NOX4: variants seen among roughly 807,000 people sequenced by gnomAD.
NOX4 encodes the protein kidney oxidase-1.
In NOX4, 69 loss-of-function variants were observed where a neutral mutation model predicts 87.6. The ratio of observed to expected loss-of-function variants is 0.79; its 90% confidence interval spans 0.65 to 0.96. NOX4 has a LOEUF of 0.96. NOX4 is among the 40% of genes least tolerant of loss of function. The probability of loss-of-function intolerance (pLI) is 0.00; values close to 1 mark genes in which losing one functional copy is unlikely to be tolerated. For synonymous variants in NOX4, 275 were observed against 238.2 expected (o/e 1.15, Z -1.42); for missense variants, 680 against 681.5 (o/e 1.00, Z 0.02).
chr11:89,357,167 C>T (rs1414109438), intron 12 of NOX4, among the ~76,000 whole-genome samples: 35 of 152,052 alleles, frequency 2.3e-4, no homozygotes, highest in Admixed American at 2.3e-3. Context: ...ATTTTATCTT[C>T]ATATTTATTA....
chr11:89,489,069 A>C lies in NOX4; in HGVS notation c.153+1389T>G, dbSNP rs1480494899. 6.9e-5 allele frequency: 48 copies of C among 694,296 alleles called. 1 individual carries two copies. In the South Asian group the frequency reaches 7.0e-4, roughly 10 times the overall value. 43.0% of individuals were successfully genotyped at this position (694,296 alleles called of 1,614,324 possible). A position where few individuals can be genotyped will look rare whatever the true frequency, so the allele number is the denominator to read the frequency against. On this transcript the variant is annotated intron_variant, in intron 2 of 17. Coordinates refer to ENST00000263317, the MANE Select transcript of NOX4 (RefSeq NM_016931.5). ...CTATTTTTTTCAACCCATTGGCTTA[A>C]AACCTAGAAGTTAAACTTTATAAAG...
At chr11:89,444,724 T>G (rs887488891) in intron 4 of NOX4, among the ~76,000 whole-genome samples, 1 of 152,150 alleles carries the variant, frequency 6.6e-6, no homozygotes, top group Non-Finnish European at 1.5e-5. Flanking sequence ...TTTCAACTAG[T>G]AGAAATTTTT....
chr11:89,478,805 C>G (rs1946271531), intron 2 of NOX4, among the ~76,000 whole-genome samples: 1 of 152,098 alleles, frequency 6.6e-6, no homozygotes, highest in Non-Finnish European at 1.5e-5. Context: ...TTCTTTCACT[C>G]TTATGTTTTT....
chr11:89,461,869 AG>A (rs1945484708), intron 2 of NOX4, among the ~76,000 whole-genome samples: 1 of 152,048 alleles, frequency 6.6e-6, no homozygotes, highest in Non-Finnish European at 1.5e-5. Flanking sequence ...ATCTGCCAAG[AG>A]AGAACATAAT....
At chr11:89,477,090 T>C (rs1486014099) in intron 2 of NOX4, among the ~76,000 whole-genome samples, 1 of 152,178 alleles carries the variant, frequency 6.6e-6, no homozygotes, top group Non-Finnish European at 1.5e-5. Flanking sequence ...ATGATTCAAC[T>C]GCATTACATT....
At chr11:89,419,789 C>T (rs1942991635) in intron 8 of NOX4, among the ~76,000 whole-genome samples, 1 of 151,840 alleles carries the variant, frequency 6.6e-6, no homozygotes, top group Admixed American at 6.6e-5. Flanking sequence ...TCAATGTAAT[C>T]CTCCTCTTTA....
chr11:89,445,356 C>CAA (rs1006037401), intron 4 of NOX4, among the ~76,000 whole-genome samples: 17 of 151,700 alleles, frequency 1.1e-4, no homozygotes, highest in African/African-American at 3.6e-4. Flanking sequence ...CACACACACA[C>CAA]AAAAATAATG....
chr11:89,395,709 G>A (rs112442601), intron 11 of NOX4, among the ~76,000 whole-genome samples: 3,577 of 152,228 alleles, frequency 0.023, 132 homozygotes, highest in African/African-American at 0.082. Context: ...TCCAGTTTCA[G>A]CTTTCTACAT....
At position 89,449,695 on chromosome 11, in the gene NOX4, T is replaced by TA. The variant is rs545636102; in HGVS notation, c.265-172dup. ...CTAGTTAATGGGACACCTAAACCAT[T>TA]AAAAAATATATGTGAGAAGTCCATA... On this transcript the variant is annotated intron_variant, in intron 3 of 17. Coordinates refer to ENST00000263317, the MANE Select transcript of NOX4 (RefSeq NM_016931.5). Among the ~76,000 whole-genome samples, 34 of 152,094 alleles carry TA rather than the reference T, an allele frequency of 2.2e-4. No homozygotes were observed. The South Asian group carries it at 6.6e-3, about 30-fold the overall frequency.
At chr11:89,436,763 C>T (rs538452949) in intron 6 of NOX4, among the ~76,000 whole-genome samples, 1 of 151,988 alleles carries the variant, frequency 6.6e-6, no homozygotes, top group East Asian at 1.9e-4. Flanking sequence ...CCATTTTATT[C>T]TCACCATAAA....
At position 89,455,744 on chromosome 11, in the gene NOX4, A is replaced by ATG. The variant is rs1555039145; in HGVS notation, c.154-3851_154-3850dup. On this transcript the variant is annotated intron_variant, in intron 2 of 17. Transcript: ENST00000263317. Reference sequence around the variant, plus strand: ...CATATATATATATATATATATATATATGAAACAAAAAGCAGGCACTTCAAG... The same window carrying ATG: ...CATATATATATATATATATATATATATGTGAAACAAAAAGCAGGCACTTCAAG... Among the ~76,000 whole-genome samples, 143 of 146,676 alleles carry ATG rather than the reference A, an allele frequency of 9.7e-4. 2 individuals carry two copies. Among genetic ancestry groups the ATG allele is most frequent in the African/African-American group, 3.5e-3 (132 of 38,172 alleles).
At chr11:89,390,229 T>C (rs1466685335) in intron 11 of NOX4, among the ~76,000 whole-genome samples, 1 of 152,154 alleles carries the variant, frequency 6.6e-6, no homozygotes. Flanking sequence ...TTAGAAATAT[T>C]TGCCCTACTC....
chr11:89,440,594 G>T, intron 6 of NOX4, 94 bp downstream of exon 6: 1 of 749,466 alleles, frequency 1.3e-6, no homozygotes, highest in Admixed American at 3.3e-5. Flanking sequence ...CAAAGTGCTG[G>T]GAATACAGGC....
intron 17 of NOX4, among the ~76,000 whole-genome samples, 153 bp from the exon 18 acceptor site, chr11:89,327,029 T>C (rs539995901): frequency 6.6e-6 from 1 of 152,356 alleles, no homozygotes; most frequent in East Asian, 1.9e-4. Context: ...TTTCCAAATG[T>C]AAATGTCAAC....
chr11:89,494,124 G>T (rs561596662), upstream of NOX4, among the ~76,000 whole-genome samples: 1 of 152,102 alleles, frequency 6.6e-6, no homozygotes, highest in South Asian at 2.1e-4. Flanking sequence ...AAAGTAATGG[G>T]GAGAGAGTTC....
the NOX4 span, among the ~76,000 whole-genome samples, chr11:89,541,561 G>C: frequency 6.6e-6 from 1 of 151,610 alleles, no homozygotes; most frequent in Non-Finnish European, 1.5e-5. Context: ...TGTATCTTCT[G>C]GTTTTCAGCA....
chr11:89,387,900 C>T (rs1445557796), intron 11 of NOX4, among the ~76,000 whole-genome samples: 2 of 152,106 alleles, frequency 1.3e-5, no homozygotes, highest in Admixed American at 6.6e-5. Context: ...TGCAGACATC[C>T]ATTACATACT....
chr11:89,402,376 A>G lies in NOX4; in HGVS notation c.796T>C (p.Phe266Leu), dbSNP rs746090877. The G allele has an allele frequency of 6.2e-7, 1 of 1,613,422 alleles. No individual in the cohort carries two copies. Among genetic ancestry groups the G allele is most frequent in the Admixed American group, 1.7e-5 (1 of 59,908 alleles). ...SKPAEFTQHK[F>L]VKICMEEPRF... is the part of the protein sequence containing the mutation. ...GGCTCTTCCATACAAATCTTCACAAATTTGTGCTGGGTAAACTCTGCCGGT... is the reference window on the plus strand; with the variant it reads ...GGCTCTTCCATACAAATCTTCACAAGTTTGTGCTGGGTAAACTCTGCCGGT... Residue 266 changes from phenylalanine to leucine, a missense_variant, in exon 9 of 18, where the codon TTT becomes CTT. By Grantham distance (22) the Phe-to-Leu change is conservative. Coordinates refer to ENST00000263317, the MANE Select transcript of NOX4 (RefSeq NM_016931.5).
chr11:89,449,669 T>A, intron 3 of NOX4, 145 bp from the exon 4 acceptor site: 1 of 584,802 alleles, frequency 1.7e-6, no homozygotes. Context: ...TTATGATCTA[T>A]CTAGTTAATG....
Sources: gnomAD v4.1 joint callset for allele counts (sites outside exome capture counted in the v4.1 genomes callset) on GRCh38, gnomAD v4.1.1 for gene constraint, MANE v1.5 for transcripts, NCBI Gene and HGNC (gene_info 2026-07-23, HGNC 2026-07-21) for gene names.